CTNND2: variants seen among roughly 807,000 people sequenced by gnomAD.
The protein encoded by CTNND2 is catenin delta 2, also known as catenin delta-2.
Under a neutral mutation model 144.4 loss-of-function variants are expected in CTNND2, and 22 were observed. The ratio of observed to expected loss-of-function variants is 0.15; its 90% CI spans 0.11 to 0.22. The LOEUF is 0.22. Ranked by LOEUF, CTNND2 falls within the 10% of genes least tolerant of loss-of-function variation. The probability of loss-of-function intolerance (pLI) is 1.00; values close to 1 mark genes in which losing one functional copy is unlikely to be tolerated. For missense variants in CTNND2, 1,353 were observed against 1,618.8 expected (o/e 0.84, Z 2.82); for synonymous variants, 751 against 695.6 (o/e 1.08, Z -1.25).
At chr5:11,871,043 T>C (rs1735069390) in intron 1 of CTNND2, among the ~76,000 whole-genome samples, 2 of 152,158 alleles carry the variant, frequency 1.3e-5, no homozygotes, top group Admixed American at 6.5e-5. Flanking sequence ...AGAGCTTCCA[T>C]GAATGGGATT....
intron 16 of CTNND2, among the ~76,000 whole-genome samples, chr5:11,057,816 T>C (rs897545159): frequency 2.6e-5 from 4 of 152,202 alleles, no homozygotes; most frequent in African/African-American, 7.2e-5. Context: ...GACAGTGATA[T>C]GGACAATAAA....
rs182380133 is a variant in CTNND2, at chr5:11,175,187, A to G, written c.1976-15428T>C. Among the ~76,000 whole-genome samples, 5 of 152,194 alleles carry G rather than the reference A, an allele frequency of 3.3e-5. No homozygotes were observed. The East Asian group carries it at 9.6e-4, about 29-fold the overall frequency. ...TATGGTATAAAATAAATTCCATTTT[A>G]TATTATAATTAATCTTTATCAAATC... On this transcript the variant is annotated intron_variant, in intron 11 of 21. Transcript: ENST00000304623.
intron 21 of CTNND2, among the ~76,000 whole-genome samples, chr5:10,975,156 C>A (rs61752737): frequency 2.0e-5 from 3 of 152,158 alleles, no homozygotes; most frequent in African/African-American, 7.2e-5. Flanking sequence ...TACTGGACTG[C>A]GTTGCTAGGT....
At chr5:11,603,875 T>C (rs1008313192) in intron 2 of CTNND2, among the ~76,000 whole-genome samples, 2 of 152,228 alleles carry the variant, frequency 1.3e-5, no homozygotes, top group African/African-American at 2.4e-5. Flanking sequence ...ACACTCCATA[T>C]TTGATATCTG....
At chr5:11,495,627 A>C (rs1390095188) in intron 3 of CTNND2, among the ~76,000 whole-genome samples, 1 of 152,098 alleles carries the variant, frequency 6.6e-6, no homozygotes, top group African/African-American at 2.4e-5. Context: ...CTCTTGGCTT[A>C]TTCTGGGCAT....
At chr5:11,131,484 C>G (rs974092479) in intron 12 of CTNND2, among the ~76,000 whole-genome samples, 4 of 152,140 alleles carry the variant, frequency 2.6e-5, no homozygotes, top group African/African-American at 9.7e-5. Flanking sequence ...TTATTAACAG[C>G]TATTATTAAA....
intron 16 of CTNND2, among the ~76,000 whole-genome samples, chr5:11,055,200 A>C (rs1319961199): frequency 6.6e-6 from 1 of 152,250 alleles, no homozygotes; most frequent in East Asian, 1.9e-4. Context: ...CAGGCTACCT[A>C]AACAAGTTGT....
Position 11,098,612 on chromosome 5 carries a change from G to A in CTNND2, c.2600C>T (p.Ala867Val), listed in dbSNP as rs1751587118. Residue 867 changes from alanine (A) to valine (V), a missense_variant, in exon 15 of 22, where the codon GCA becomes GTA. By Grantham distance (64) the Ala-to-Val change is moderately conservative. Around this residue, in one of 4 missense-constraint regions of CTNND2, gnomAD observed 459 missense variants for 674.3 expected, o/e 0.68. Transcript: ENST00000304623. ...TGCAGCCAAGTTCTGCAGGGCGCCT[G>A]CCGCCCCTTCCAGCGTGTCTGGATT... Reference protein sequence around the residue: ...CSNPDTLEGAAGALQNLAAGS... With the variant: ...CSNPDTLEGAVGALQNLAAGS... 6.2e-7 allele frequency: 1 copy of A among 1,613,978 alleles called. No homozygotes were observed. The highest frequency in any genetic ancestry group is 1.3e-5 in the African/African-American group (1 of 74,912).
chr5:11,321,902 T>C (rs1209780933), intron 9 of CTNND2, among the ~76,000 whole-genome samples: 2 of 152,072 alleles, frequency 1.3e-5, no homozygotes, highest in East Asian at 3.9e-4. Flanking sequence ...TCCCCACTCC[T>C]TATGGCCATG....
At chr5:11,433,771 G>C (rs951982624) in intron 3 of CTNND2, among the ~76,000 whole-genome samples, 2 of 152,118 alleles carry the variant, frequency 1.3e-5, no homozygotes, top group African/African-American at 4.8e-5. Flanking sequence ...CCTCTCACCA[G>C]ACCCCACCTC....
chr5:11,086,884 C>G (rs1394825717), intron 15 of CTNND2, among the ~76,000 whole-genome samples: 1 of 152,198 alleles, frequency 6.6e-6, no homozygotes. Context: ...ATTTAACTAG[C>G]TTTTCCTCAT....
intron 15 of CTNND2, among the ~76,000 whole-genome samples, chr5:11,094,328 G>A (rs1025388391): frequency 6.6e-6 from 1 of 152,098 alleles, no homozygotes; most frequent in African/African-American, 2.4e-5. Flanking sequence ...AGAGTAGATG[G>A]AACAGCCATG....
At chr5:11,235,399 A>G (rs1741512920) in intron 10 of CTNND2, among the ~76,000 whole-genome samples, 1 of 152,222 alleles carries the variant, frequency 6.6e-6, no homozygotes, top group African/African-American at 2.4e-5. Flanking sequence ...GACTAAGTTA[A>G]CATATGTTTG....
chr5:11,340,098 C>G (rs1369853908), intron 9 of CTNND2, among the ~76,000 whole-genome samples: 1 of 152,118 alleles, frequency 6.6e-6, no homozygotes, highest in Admixed American at 6.6e-5. Context: ...CACTGGCTAC[C>G]CTCCTCCATT....
intron 6 of CTNND2, among the ~76,000 whole-genome samples, chr5:11,391,185 CAG>C (rs1277333292): frequency 9.6e-6 from 1 of 104,066 alleles, no homozygotes; most frequent in East Asian, 2.3e-4. Context: ...TAATAAAAAA[CAG>C]GGCATGGCTT....
At chr5:11,525,712 G>A (rs930174691) in intron 3 of CTNND2, among the ~76,000 whole-genome samples, 3 of 152,116 alleles carry the variant, frequency 2.0e-5, no homozygotes, top group Non-Finnish European at 4.4e-5. Flanking sequence ...CCAAAAATGT[G>A]CACATGAGGT....
intron 2 of CTNND2, among the ~76,000 whole-genome samples, chr5:11,630,223 T>G (rs368083120): frequency 1.7e-4 from 26 of 152,336 alleles, no homozygotes; most frequent in African/African-American, 5.8e-4. Context: ...AGGGATCTCC[T>G]AGCTCTTTCA....
At chr5:11,033,443 A>G (rs1743705835) in intron 16 of CTNND2, among the ~76,000 whole-genome samples, 1 of 152,068 alleles carries the variant, frequency 6.6e-6, no homozygotes, top group Admixed American at 6.5e-5. Context: ...GTAAACAAGT[A>G]AGTCCTTGTA....
At chr5:11,147,501 A>AG (rs1042785298) in intron 12 of CTNND2, among the ~76,000 whole-genome samples, 2 of 152,174 alleles carry the variant, frequency 1.3e-5, no homozygotes, top group African/African-American at 4.8e-5. Context: ...ATGAGGCTGG[A>AG]GACTTGCAGG....
Sources: gnomAD v4.1 joint callset for allele counts (sites outside exome capture counted in the v4.1 genomes callset) on GRCh38, gnomAD v4.1.1 for gene constraint, gnomAD v4.1.1 regional missense constraint, MANE v1.5 for transcripts, NCBI Gene and HGNC (gene_info 2026-07-23, HGNC 2026-07-21) for gene names.